The following SNX10 variants were observed in gnomAD, a reference collection of about 807,000 sequenced individuals.
SNX10 encodes sorting nexin 10, also known as sorting nexin-10.
A neutral mutation model predicts 28.5 loss-of-function variants in SNX10; 25 were observed. The ratio of observed to expected loss-of-function variants is 0.88; its 90% CI spans 0.64 to 1.22. SNX10 has a LOEUF of 1.22. Ranked by LOEUF, SNX10 falls within the 50% of genes most tolerant of loss-of-function variation. The pLI is 0.00. For missense variants in SNX10, 223 were observed against 242.6 expected (o/e 0.92, Z 0.54); for synonymous variants, 62 against 81.4 (o/e 0.76, Z 1.28).
intron 1 of SNX10, among the ~76,000 whole-genome samples, chr7:26,302,697 T>C (rs770658577): frequency 6.6e-6 from 1 of 152,232 alleles, no homozygotes; most frequent in Non-Finnish European, 1.5e-5. Context: ...CCACTTTTGC[T>C]GCATACCCAC....
intron 1 of SNX10, among the ~76,000 whole-genome samples, chr7:26,315,802 A>G (rs894887788): frequency 7.9e-5 from 12 of 152,204 alleles, no homozygotes; most frequent in Admixed American, 6.6e-4. Flanking sequence ...TTATGTAAAT[A>G]AAATTGAAGC....
At chr7:26,351,654 T>G (rs965387163) in intron 2 of SNX10, among the ~76,000 whole-genome samples, 12 of 98,864 alleles carry the variant, frequency 1.2e-4, no homozygotes, top group East Asian at 1.1e-3. Flanking sequence ...TGGTTTTTTT[T>G]TTTTGTTTTT....
chr7:26,365,471 T>C (rs1375583666), intron 5 of SNX10, among the ~76,000 whole-genome samples: 1 of 152,252 alleles, frequency 6.6e-6, no homozygotes, highest in African/African-American at 2.4e-5. Flanking sequence ...ATATGCCTAA[T>C]CATCAAAAGG....
Position 26,372,644 on chromosome 7 carries a change from A to G in SNX10, c.*72A>G, listed in dbSNP as rs1240413893. The G allele has an allele frequency of 2.2e-6, 2 of 898,776 alleles. No homozygotes were observed. The highest frequency in any genetic ancestry group is 3.7e-6 in the Non-Finnish European group (2 of 534,614). The allele number at this position is 898,776 out of a possible 1,614,324, so 55.7% of individuals were successfully genotyped here. On this transcript the variant is annotated 3_prime_UTR_variant, in exon 7 of 7. Transcript: ENST00000338523. ...GTCATAGAGAAGAAAGCTTCATAAT[A>G]ATACATTCTTACCTAAAGCTCACTG...
intron 1 of SNX10, among the ~76,000 whole-genome samples, chr7:26,336,668 G>T (rs567866602): frequency 6.6e-6 from 1 of 152,182 alleles, no homozygotes; most frequent in African/African-American, 2.4e-5. Flanking sequence ...TTGTGCCACC[G>T]CACTCCAGCC....
At chr7:26,351,535 G>A (rs1788594111) in intron 2 of SNX10, among the ~76,000 whole-genome samples, 1 of 151,842 alleles carries the variant, frequency 6.6e-6, no homozygotes, top group African/African-American at 2.4e-5. Context: ...AGCTGTCATA[G>A]CCAAGAGGAG....
rs982361856 is a variant in SNX10, at chr7:26,351,646, G to GTTTTT, written c.24+5188_24+5192dup. Among the ~76,000 whole-genome samples, 221 of 112,590 alleles carry GTTTTT rather than the reference G, an allele frequency of 2.0e-3. 13 individuals are homozygous for GTTTTT. Among genetic ancestry groups the GTTTTT allele is most frequent in the African/African-American group, 5.3e-3 (164 of 30,794 alleles). 73.9% of individuals were successfully genotyped at this position (112,590 alleles called of 152,430 possible). A position where few individuals can be genotyped will look rare whatever the true frequency, so the allele number is the denominator to read the frequency against. On this transcript the variant is annotated intron_variant, in intron 2 of 6. Transcript: ENST00000338523. ...AAAACTAAAGCAATCAAGCAGTCTG[G>GTTTTT]TTTTTTTTTTTTGTTTTTTTTTTTT...
intron 3 of SNX10, among the ~76,000 whole-genome samples, chr7:26,361,647 A>AC (rs1257987039): frequency 1.3e-5 from 2 of 152,226 alleles, no homozygotes; most frequent in Non-Finnish European, 2.9e-5. Context: ...ACCATCTTAA[A>AC]CAAGGGTAAG....
chr7:26,298,264 A>ATATC (rs1562780149), intron 1 of SNX10, among the ~76,000 whole-genome samples: 1 of 152,260 alleles, frequency 6.6e-6, no homozygotes, highest in East Asian at 1.9e-4. Flanking sequence ...AATAGTTGCA[A>ATATC]TATCTATAAC....
chr7:26,305,702 G>A (rs1786563403), intron 1 of SNX10, among the ~76,000 whole-genome samples: 1 of 152,190 alleles, frequency 6.6e-6, no homozygotes, highest in South Asian at 2.1e-4. Context: ...CGGATGCTGC[G>A]ATTTGCTAGT....
chr7:26,365,424 G>A (rs1030619464), intron 5 of SNX10, among the ~76,000 whole-genome samples: 4 of 152,178 alleles, frequency 2.6e-5, no homozygotes, highest in African/African-American at 7.2e-5. Flanking sequence ...TTACCTGGGC[G>A]TTTAGCTGAC....
At chr7:26,354,788 C>A (rs377656132) in intron 2 of SNX10, among the ~76,000 whole-genome samples, 3 of 152,176 alleles carry the variant, frequency 2.0e-5, no homozygotes, top group Non-Finnish European at 4.4e-5. Context: ...ACCTTATTCA[C>A]GGCATCTTTT....
intron 1 of SNX10, among the ~76,000 whole-genome samples, chr7:26,318,891 A>G (rs1584110829): frequency 6.6e-6 from 1 of 152,114 alleles, no homozygotes; most frequent in South Asian, 2.1e-4. Context: ...TCCACATGAG[A>G]TCCCTTTTTC....
At chr7:26,327,967 C>G (rs930458918) in intron 1 of SNX10, among the ~76,000 whole-genome samples, 1 of 151,864 alleles carries the variant, frequency 6.6e-6, no homozygotes, top group Non-Finnish European at 1.5e-5. Context: ...CTCCTGACTT[C>G]ATGGTCCACC....
intron 1 of SNX10, among the ~76,000 whole-genome samples, chr7:26,299,422 G>A (rs1249018349): frequency 2.0e-5 from 3 of 151,812 alleles, no homozygotes; most frequent in Non-Finnish European, 4.4e-5. Context: ...TGGACCTTGT[G>A]ATCCACCTGC....
rs79391342 is a variant in SNX10, at chr7:26,301,471, G to A, written c.-24+9385G>A. On this transcript the variant is annotated intron_variant, in intron 1 of 6. Coordinates refer to ENST00000338523, the MANE Select transcript of SNX10 (RefSeq NM_013322.3). Reference sequence around the variant, plus strand: ...TGCCTTAAGAAGCCTTGGATTCCTGGGGATGAGAGAACAAAAAAGAGGGTG... The same window carrying A: ...TGCCTTAAGAAGCCTTGGATTCCTGAGGATGAGAGAACAAAAAAGAGGGTG... 7.1e-3 allele frequency among the ~76,000 whole-genome samples: 1,075 copies of A among 152,178 alleles called. 12 individuals are homozygous for A. Among genetic ancestry groups the A allele is most frequent in the African/African-American group, 0.025 (1,042 of 41,510 alleles).
At chr7:26,297,695 C>T (rs1786165723) in intron 1 of SNX10, among the ~76,000 whole-genome samples, 2 of 152,086 alleles carry the variant, frequency 1.3e-5, no homozygotes, top group South Asian at 4.1e-4. Context: ...TCCATACCTG[C>T]CCCTTTGTTT....
chr7:26,366,666 T>C (rs1483885370), intron 5 of SNX10, among the ~76,000 whole-genome samples: 1 of 152,226 alleles, frequency 6.6e-6, no homozygotes, highest in African/African-American at 2.4e-5. Flanking sequence ...CACTCTAGTG[T>C]AGGACATGTT....
chr7:26,299,459 C>T (rs932527866), intron 1 of SNX10, among the ~76,000 whole-genome samples: 33 of 151,974 alleles, frequency 2.2e-4, no homozygotes, highest in African/African-American at 7.0e-4. Context: ...GCTGGGATTA[C>T]AGGTGTGAGC....
Sources: allele counts gnomAD v4.1 joint callset (sites outside exome capture counted in the v4.1 genomes callset), GRCh38; gene constraint gnomAD v4.1.1; transcripts MANE v1.5; gene names NCBI Gene and HGNC (gene_info 2026-07-23, HGNC 2026-07-21).